Variants in CDKAL1 observed in about 807,000 individuals in gnomAD.
CDKAL1 encodes the protein threonylcarbamoyladenosine tRNA methylthiotransferase.
A neutral mutation model predicts 68.2 loss-of-function variants in CDKAL1; 32 were observed. That is an observed-to-expected ratio of 0.47 (90% confidence interval 0.35 to 0.63). The LOEUF (loss-of-function observed/expected upper bound fraction) is 0.63. Ranked by LOEUF, CDKAL1 falls within the 30% of genes least tolerant of loss-of-function variation. The probability of loss-of-function intolerance (pLI) is 0.00; values close to 1 mark genes in which losing one functional copy is unlikely to be tolerated. For synonymous variants in CDKAL1, 234 were observed against 244.3 expected (o/e 0.96, Z 0.39); for missense variants, 606 against 696.7 (o/e 0.87, Z 1.47).
intron 5 of CDKAL1, among the ~76,000 whole-genome samples, chr6:20,662,201 A>G (rs921348394): frequency 3.3e-5 from 5 of 152,162 alleles, no homozygotes; most frequent in African/African-American, 1.2e-4. Flanking sequence ...AGTGAAATAA[A>G]AAAGACTTTT....
intron 9 of CDKAL1, among the ~76,000 whole-genome samples, chr6:20,861,690 A>G (rs1581717944): frequency 6.6e-6 from 1 of 152,322 alleles, no homozygotes; most frequent in East Asian, 1.9e-4. Context: ...GGCTAGCAGT[A>G]CATTAGAAAG....
rs146593337 is a variant in CDKAL1 at position 21,058,617 on chromosome 6, T to A, written c.1056-6431T>A. ...AGTTGCTTCATAGTGTCATTGGTTT[T>A]TGTACTTCAGTGTGTTTTTCTAGGG... On this transcript the variant is annotated intron_variant, in intron 11 of 15. Coordinates refer to ENST00000274695, the MANE Select transcript of CDKAL1 (RefSeq NM_017774.3). Among the ~76,000 whole-genome samples the A allele has an allele frequency of 1.6e-3, 246 of 152,362 alleles. 5 individuals carry two copies. The East Asian group carries it at 0.03, about 18-fold the overall frequency.
chr6:21,142,989 G>T (rs547710822), intron 13 of CDKAL1, among the ~76,000 whole-genome samples: 17 of 152,292 alleles, frequency 1.1e-4, no homozygotes, highest in African/African-American at 4.1e-4. Flanking sequence ...CAGCGTGTCT[G>T]CTTTGTTTGG....
intron 5 of CDKAL1, among the ~76,000 whole-genome samples, chr6:20,708,436 C>T (rs947546730): frequency 7.2e-5 from 11 of 152,142 alleles, no homozygotes; most frequent in Non-Finnish European, 1.5e-4. Flanking sequence ...CCTGCCTGGG[C>T]AGCTTATGAG....
chr6:21,092,734 T>TAAAAAAAAAAA (rs34756370), intron 12 of CDKAL1, among the ~76,000 whole-genome samples: 1 of 133,432 alleles, frequency 7.5e-6, no homozygotes, highest in African/African-American at 2.8e-5. Context: ...GACGAAAACT[T>TAAAAAAAAAAA]AAAAAAAAAA....
chr6:20,867,049 C>T (rs542882987), intron 9 of CDKAL1, among the ~76,000 whole-genome samples: 1 of 152,226 alleles, frequency 6.6e-6, no homozygotes, highest in Non-Finnish European at 1.5e-5. Context: ...TTCTTCATAC[C>T]GTGAAAGTCT....
intron 13 of CDKAL1, among the ~76,000 whole-genome samples, chr6:21,183,157 A>G (rs572839008): frequency 1.9e-3 from 284 of 150,124 alleles, no homozygotes; most frequent in Non-Finnish European, 3.0e-3. Context: ...TTTTTCCAGC[A>G]TAATTCGTCT....
intron 5 of CDKAL1, among the ~76,000 whole-genome samples, chr6:20,671,193 A>C (rs1769797727): frequency 6.6e-6 from 1 of 152,134 alleles, no homozygotes; most frequent in African/African-American, 2.4e-5. Flanking sequence ...TATTGTTGTC[A>C]TTCTTTATAA....
At chr6:21,202,832 C>T (rs1036260776) in intron 15 of CDKAL1, among the ~76,000 whole-genome samples, 30 of 152,158 alleles carry the variant, frequency 2.0e-4, no homozygotes, top group Admixed American at 2.0e-3. Flanking sequence ...TTCTACTCTC[C>T]CATCCTTTCC....
chr6:21,131,617 G>C (rs956610854), intron 13 of CDKAL1, among the ~76,000 whole-genome samples: 8 of 152,126 alleles, frequency 5.3e-5, no homozygotes, highest in African/African-American at 1.9e-4. Flanking sequence ...TTTCATGAGA[G>C]AGGATTACTG....
At chr6:20,798,597 G>A (rs1776214466) in intron 8 of CDKAL1, among the ~76,000 whole-genome samples, 1 of 152,036 alleles carries the variant, frequency 6.6e-6, no homozygotes, top group South Asian at 2.1e-4. Flanking sequence ...AAAATGATGA[G>A]TTCACATCCT....
chr6:21,232,127 C>G lies in CDKAL1; in HGVS notation c.*1088C>G, dbSNP rs563877860. 1 of 151,706 alleles carries G rather than the reference C, an allele frequency of 6.6e-6. No individual in the cohort carries two copies. The highest frequency in any genetic ancestry group is 1.5e-5 in the Non-Finnish European group (1 of 67,966). The allele number at this position is 151,706 out of a possible 1,614,324, so 9.4% of individuals were successfully genotyped here. On this transcript the variant is annotated 3_prime_UTR_variant, in exon 16 of 16. Coordinates refer to ENST00000274695, the MANE Select transcript of CDKAL1 (RefSeq NM_017774.3). ...ACTCAAGCAGTCCTCCTACCTCAGC[C>G]TCCCTAATAGCCAGGGGCTACAGGC...
intron 9 of CDKAL1, among the ~76,000 whole-genome samples, chr6:20,894,089 G>A (rs1561863962): frequency 6.6e-6 from 1 of 152,286 alleles, no homozygotes; most frequent in African/African-American, 2.4e-5. Context: ...TGAAATTGCT[G>A]TCAAGGATAT....
chr6:20,776,932 C>T (rs1775197909), intron 7 of CDKAL1, among the ~76,000 whole-genome samples: 1 of 152,154 alleles, frequency 6.6e-6, no homozygotes, highest in Non-Finnish European at 1.5e-5. Context: ...GCTCCCAAGA[C>T]AGCTCAGTGG....
chr6:21,186,660 A>G (rs767537293), intron 13 of CDKAL1, among the ~76,000 whole-genome samples: 2 of 152,236 alleles, frequency 1.3e-5, no homozygotes, highest in Non-Finnish European at 2.9e-5. Context: ...TTGCTATTCA[A>G]AATTCCTGCC....
intron 4 of CDKAL1, among the ~76,000 whole-genome samples, chr6:20,606,335 A>G (rs74341495): frequency 0.094 from 14,332 of 152,172 alleles, 779 homozygotes; most frequent in African/African-American, 0.12. Flanking sequence ...AATCACAGCA[A>G]GATACTTTGT....
At chr6:20,949,103 A>G (rs1764401249) in intron 9 of CDKAL1, among the ~76,000 whole-genome samples, 1 of 152,232 alleles carries the variant, frequency 6.6e-6, no homozygotes, top group Non-Finnish European at 1.5e-5. Context: ...AACTCTCATT[A>G]TTAAGGCAAT....
chr6:20,712,538 A>G (rs1261856552), intron 5 of CDKAL1, among the ~76,000 whole-genome samples: 2 of 152,062 alleles, frequency 1.3e-5, no homozygotes, highest in Admixed American at 1.3e-4. Flanking sequence ...AAAAGAAAAG[A>G]AAATTTAAAA....
At chr6:20,957,008 T>TAAAAAAAAAAA (rs70990087) in intron 10 of CDKAL1, among the ~76,000 whole-genome samples, 10 of 113,810 alleles carry the variant, frequency 8.8e-5, no homozygotes, top group Non-Finnish European at 1.4e-4. Flanking sequence ...TGATTCTCTG[T>TAAAAAAAAAAA]AAAAAAAAAA....
Sources: allele counts gnomAD v4.1 joint callset (sites outside exome capture counted in the v4.1 genomes callset), GRCh38; gene constraint gnomAD v4.1.1; transcripts MANE v1.5; gene names NCBI Gene and HGNC (gene_info 2026-07-23, HGNC 2026-07-21).